The following ZNF562 variants were observed in gnomAD, a reference collection of about 807,000 sequenced individuals.
ZNF562 encodes zinc finger protein 562.
ZNF562 carries 13 observed loss-of-function variants against 17.5 expected under a neutral mutation model. The ratio of observed to expected loss-of-function variants is 0.74; its 90% CI spans 0.48 to 1.18. The LOEUF is 1.18. Among genes scored for constraint, ZNF562 ranks in the 50% most tolerant of loss-of-function variants. ZNF562 has a pLI of 0.00. For missense variants in ZNF562, 481 were observed against 498.5 expected, an observed-to-expected ratio of 0.96 and a Z score of 0.33; for synonymous variants, 163 against 165.4, an observed-to-expected ratio of 0.99 and a Z score of 0.11.
intron 1 of ZNF562, among the ~76,000 whole-genome samples, chr19:9,671,388 C>A (rs2044192257): frequency 6.6e-6 from 1 of 152,016 alleles, no homozygotes; most frequent in Non-Finnish European, 1.5e-5. Context: ...AGTTACTGCA[C>A]CTAATACCAC....
Position 9,643,823 on chromosome 19 carries a change from T to TTTTG in ZNF562, c.*9122_*9125dup, listed in dbSNP as rs1277898045. ...TGCTACTATTATACTTAGCGCATTT[T>TTTTG]TTTGTTTGTTTGTTTTTTGAGACAG... On this transcript the variant is annotated 3_prime_UTR_variant, in exon 6 of 6. Transcript: ENST00000453372. The TTTTG allele has an allele frequency of 6.6e-6, 1 of 152,082 alleles. No homozygotes were observed. The highest frequency in any genetic ancestry group is 2.4e-5 in the African/African-American group (1 of 41,386). The allele number at this position is 152,082 out of a possible 1,614,324, so 9.4% of individuals were successfully genotyped here.
At position 9,656,568 on chromosome 19, in the gene ZNF562, T is replaced by G; in HGVS notation, c.327A>C (p.Gln109His). ...SSLQQGFLKN[Q>H]IFTGIQMQTR... ...TTACCATTTGTATCCCAGTGAATATTTGATTCTTCAAAAAACCCTGCTGAA... is the reference window on the plus strand; with the variant it reads ...TTACCATTTGTATCCCAGTGAATATGTGATTCTTCAAAAAACCCTGCTGAA... Residue 109 changes from glutamine (Q) to histidine (H), a missense_variant, in exon 5 of 6, where the codon CAA (glutamine) becomes CAC (histidine). Gln to His is a conservative substitution (Grantham distance 24). Around this residue, in one of 2 missense-constraint regions of ZNF562, gnomAD observed 403 missense variants for 386.4 expected, o/e 1.04. Coordinates refer to ENST00000453372, the MANE Select transcript of ZNF562 (RefSeq NM_001130031.2). 6.2e-7 allele frequency: 1 copy of G among 1,613,844 alleles called. No homozygotes were observed. The highest frequency in any genetic ancestry group is 8.5e-7 in the Non-Finnish European group (1 of 1,179,940).
At chr19:9,666,484 C>G (rs376771861) in intron 1 of ZNF562, among the ~76,000 whole-genome samples, 16 of 151,288 alleles carry the variant, frequency 1.1e-4, no homozygotes, top group South Asian at 1.0e-3. Context: ...CTAATGATAC[C>G]CCTTAAAATA....
In ZNF562 at chr19:9,646,097, G is replaced by A. The variant is rs1359208708; in HGVS notation, c.*6852C>T. On this transcript the variant is annotated 3_prime_UTR_variant, in exon 6 of 6. Transcript: ENST00000453372. ...TTTTTTTTTTTTTTTTTGTGACAGA[G>A]TTTCACTCTTGTTGCCCAGGCTGCA... The A allele has an allele frequency of 1.4e-5, 2 of 145,498 alleles. No individual in the cohort carries two copies. 9.0% of individuals were successfully genotyped at this position (145,498 alleles called of 1,614,324 possible).
Position 9,670,636 on chromosome 19 carries a change from T to C in ZNF562, c.-131+4379A>G, listed in dbSNP as rs143900259. Among the ~76,000 whole-genome samples, 4 of 152,146 alleles carry C rather than the reference T, an allele frequency of 2.6e-5. No individual in the cohort carries two copies. The East Asian group carries it at 5.8e-4, about 22-fold the overall frequency. ...AGCTAAAAAGTGGATCTCATGAGCA[T>C]AGAGTACAGATTGATGGTTACTAGA... On this transcript the variant is annotated intron_variant, in intron 1 of 5. Coordinates refer to ENST00000453372, the MANE Select transcript of ZNF562 (RefSeq NM_001130031.2).
chr19:9,660,202 T>G (rs1486537197), intron 2 of ZNF562, among the ~76,000 whole-genome samples: 1 of 150,898 alleles, frequency 6.6e-6, no homozygotes, highest in Non-Finnish European at 1.5e-5. Context: ...GGCGGAGGTT[T>G]CAGTGAGCCA....
intron 1 of ZNF562, among the ~76,000 whole-genome samples, chr19:9,671,780 G>C (rs1330830107): frequency 6.6e-6 from 1 of 152,240 alleles, no homozygotes; most frequent in African/African-American, 2.4e-5. Flanking sequence ...CTCTGGTATT[G>C]CAGAGTCAAT....
chr19:9,668,759 A>C (rs115071120), intron 1 of ZNF562, among the ~76,000 whole-genome samples: 3,348 of 152,274 alleles, frequency 0.022, 112 homozygotes, highest in African/African-American at 0.073. Flanking sequence ...TGACATAAAA[A>C]AAACAAACAA....
Position 9,656,693 on chromosome 19 carries a change from T to G in ZNF562, c.242-40A>C, listed in dbSNP as rs754767734. ...AAGAAATGTGTTAGTTTAAAATTAG[T>G]CATTTGTCCTTGTTTTCAAATTAAA... On this transcript the variant is annotated intron_variant, in intron 4 of 5. Transcript: ENST00000453372. 3.0e-5 allele frequency: 48 copies of G among 1,583,842 alleles called. 1 individual carries two copies. The South Asian group carries it at 4.7e-4, about 15-fold the overall frequency.
chr19:9,657,583 T>G (rs1300396280), intron 4 of ZNF562, among the ~76,000 whole-genome samples: 25 of 150,560 alleles, frequency 1.7e-4, no homozygotes, highest in Admixed American at 1.7e-3. Context: ...AGTCCCACTC[T>G]GTCACCAGGC....
chr19:9,674,765 A>G (rs2044343313), intron 1 of ZNF562: 2 of 152,274 alleles, frequency 1.3e-5, no homozygotes, highest in Non-Finnish European at 2.9e-5. Context: ...AAGCTTTTCA[A>G]GAGAGGAGCA....
chr19:9,652,885 C>A lies in ZNF562; in HGVS notation c.*64G>T. 7.1e-7 allele frequency: 1 copy of A among 1,412,560 alleles called. No homozygotes were observed. Among genetic ancestry groups the A allele is most frequent in the Non-Finnish European group, 9.4e-7 (1 of 1,069,258 alleles). 87.5% of individuals were successfully genotyped at this position (1,412,560 alleles called of 1,614,324 possible). A position where few individuals can be genotyped will look rare whatever the true frequency, so the allele number is the denominator to read the frequency against. Reference sequence around the variant, plus strand: ...CAAATTCTTTACATACAAAAGGTTTCTCTCTGGTAGGAGTTCACAGGTGGG... The same window carrying A: ...CAAATTCTTTACATACAAAAGGTTTATCTCTGGTAGGAGTTCACAGGTGGG... On this transcript the variant is annotated 3_prime_UTR_variant, in exon 6 of 6. Coordinates refer to ENST00000453372, the MANE Select transcript of ZNF562 (RefSeq NM_001130031.2).
chr19:9,644,531 T>G lies in ZNF562; in HGVS notation c.*8418A>C, dbSNP rs2074793961. 6.6e-6 allele frequency: 1 copy of G among 152,126 alleles called. No individual in the cohort carries two copies. Among genetic ancestry groups the G allele is most frequent in the African/African-American group, 2.4e-5 (1 of 41,412 alleles). 9.4% of individuals were successfully genotyped at this position (152,126 alleles called of 1,614,324 possible). On this transcript the variant is annotated 3_prime_UTR_variant, in exon 6 of 6. Transcript: ENST00000453372. ...GGGTAAGTTATGAAGAAAAAGAGGT[T>G]TAATGGACTCACAGTTCCACATGGC... is the stretch of plus-strand genomic sequence containing the variant.
At position 9,646,637 on chromosome 19, in the gene ZNF562, T is replaced by A. The variant is rs1040029820; in HGVS notation, c.*6312A>T. ...GCACAATTAATAAGTTATTCCAGAA[T>A]GCAAAAGGAGACTGAAGTTATACAA... On this transcript the variant is annotated 3_prime_UTR_variant, in exon 6 of 6. Transcript: ENST00000453372. The A allele has an allele frequency of 6.6e-6, 1 of 151,970 alleles. No individual in the cohort carries two copies. The highest frequency in any genetic ancestry group is 2.4e-5 in the African/African-American group (1 of 41,380). The allele number at this position is 151,970 out of a possible 1,614,324, so 9.4% of individuals were successfully genotyped here.
chr19:9,663,715 C>T (rs1371164086), intron 1 of ZNF562, among the ~76,000 whole-genome samples: 6 of 151,346 alleles, frequency 4.0e-5, no homozygotes, highest in South Asian at 2.1e-4. Context: ...CTCATTCTGT[C>T]GCCCAGGCTG....
chr19:9,662,689 G>A (rs1038474038), intron 1 of ZNF562, among the ~76,000 whole-genome samples: 2 of 151,922 alleles, frequency 1.3e-5, no homozygotes, highest in African/African-American at 4.8e-5. Context: ...AGACCATCCT[G>A]GCTAACACAA....
chr19:9,673,212 C>T (rs938276640), intron 1 of ZNF562, among the ~76,000 whole-genome samples: 5 of 152,232 alleles, frequency 3.3e-5, no homozygotes, highest in Non-Finnish European at 7.4e-5. Context: ...TTAGATTCTG[C>T]GGTCTGACCC....
In ZNF562 at chr19:9,641,940, T is replaced by C. The variant is rs2074774517; in HGVS notation, c.*11009A>G. 6.6e-6 allele frequency: 1 copy of C among 152,084 alleles called. No individual in the cohort carries two copies. 9.4% of individuals were successfully genotyped at this position (152,084 alleles called of 1,614,324 possible). A position where few individuals can be genotyped will look rare whatever the true frequency, so the allele number is the denominator to read the frequency against. On this transcript the variant is annotated 3_prime_UTR_variant, in exon 6 of 6. Coordinates refer to ENST00000453372, the MANE Select transcript of ZNF562 (RefSeq NM_001130031.2). ...GCGGTGGAGTTAGGAGCAATTTTTT[T>C]TGTAGGCAGTGGGGTGGACGTTACA...
At chr19:9,663,818 A>G (rs1260789931) in intron 1 of ZNF562, among the ~76,000 whole-genome samples, 2 of 152,000 alleles carry the variant, frequency 1.3e-5, no homozygotes. Flanking sequence ...CTGGGACTAC[A>G]GGACTCCAGA....
Sources: allele counts gnomAD v4.1 joint callset (sites outside exome capture counted in the v4.1 genomes callset), GRCh38; gene constraint gnomAD v4.1.1; regional missense constraint gnomAD v4.1.1; transcripts MANE v1.5; gene names NCBI Gene and HGNC (gene_info 2026-07-23, HGNC 2026-07-21).